SEPTIN2: variants seen among roughly 807,000 people sequenced by gnomAD.
SEPTIN2 encodes septin 2.
A neutral mutation model predicts 46.5 loss-of-function variants in SEPTIN2; 34 were observed. The ratio of observed to expected loss-of-function variants is 0.73; its 90% CI spans 0.56 to 0.97. The LOEUF (loss-of-function observed/expected upper bound fraction) is 0.97, where lower values mean the gene tolerates loss of function less well. Ranked by LOEUF, SEPTIN2 falls within the 50% of genes least tolerant of loss-of-function variation. The pLI, the probability that SEPTIN2 is intolerant of heterozygous loss-of-function variation, is 0.00. For synonymous variants in SEPTIN2, 175 were observed against 153.4 expected (o/e 1.14, Z -1.04); for missense variants, 347 against 448.4 (o/e 0.77, Z 2.04).
chr2:241,319,398 A>G (rs985125183), intron 1 of SEPTIN2, among the ~76,000 whole-genome samples: 1 of 152,258 alleles, frequency 6.6e-6, no homozygotes, highest in Non-Finnish European at 1.5e-5. Context: ...GATAATGGAT[A>G]GCACATGGGG....
intron 1 of SEPTIN2, chr2:241,316,837 T>A: frequency 3.3e-6 from 1 of 302,576 alleles, no homozygotes; most frequent in Non-Finnish European, 6.1e-6. Context: ...CTCTTAAATC[T>A]GGCTACTTCC....
chr2:241,322,376 CG>C (rs2077255729), intron 1 of SEPTIN2, among the ~76,000 whole-genome samples: 1 of 151,928 alleles, frequency 6.6e-6, no homozygotes, highest in Non-Finnish European at 1.5e-5. Context: ...GAGGCTGAGG[CG>C]GGCGGGTCAT....
At chr2:241,341,835 T>G (rs964947832) in intron 7 of SEPTIN2, among the ~76,000 whole-genome samples, 2 of 152,236 alleles carry the variant, frequency 1.3e-5, no homozygotes, top group Non-Finnish European at 2.9e-5. Context: ...CCTGAATGGC[T>G]CAGGTACTGA....
intron 10 of SEPTIN2, chr2:241,346,744 C>G (rs1367529432): frequency 1.3e-5 from 2 of 152,370 alleles, no homozygotes; most frequent in Non-Finnish European, 2.9e-5. Flanking sequence ...TAAAACAAGA[C>G]CCTGTCTCAA....
upstream of SEPTIN2, chr2:241,315,570 C>G (rs1304110871): frequency 6.6e-6 from 1 of 152,440 alleles, no homozygotes; most frequent in East Asian, 1.9e-4. Flanking sequence ...TTCTCATTAC[C>G]TGTTCCACTC....
chr2:241,338,694 A>G (rs1471021612), intron 7 of SEPTIN2, among the ~76,000 whole-genome samples: 1 of 117,782 alleles, frequency 8.5e-6, no homozygotes. Context: ...TATGTAATAT[A>G]TATTATATTT....
intron 7 of SEPTIN2, 29 bp from the exon 8 acceptor site, chr2:241,342,963 A>G (rs2081462902): frequency 7.5e-7 from 1 of 1,330,558 alleles, no homozygotes; most frequent in East Asian, 2.3e-5. Flanking sequence ...AGTTTGCTAA[A>G]ATTGATCCTG....
chr2:241,320,649 C>T (rs1306261626), intron 1 of SEPTIN2, among the ~76,000 whole-genome samples: 1 of 152,054 alleles, frequency 6.6e-6, no homozygotes, highest in Non-Finnish European at 1.5e-5. Context: ...ATTAGCTGGG[C>T]GTGGTGGCGG....
At chr2:241,317,580 C>T in intron 1 of SEPTIN2, 1 of 978,196 alleles carries the variant, frequency 1.0e-6, no homozygotes, top group Non-Finnish European at 1.2e-6. Flanking sequence ...CACCAAAACT[C>T]ATTTGGCAGC....
chr2:241,323,446 T>C (rs978721852), intron 1 of SEPTIN2, among the ~76,000 whole-genome samples: 2 of 151,338 alleles, frequency 1.3e-5, no homozygotes, highest in East Asian at 3.9e-4. Context: ...TTAGTAGAGA[T>C]GGGGTTTCAC....
At chr2:241,315,619 T>G (rs1044566681), upstream of SEPTIN2, 3 of 152,278 alleles carry the variant, frequency 2.0e-5, no homozygotes, top group South Asian at 4.1e-4. Flanking sequence ...AGGTAGGAAC[T>G]GTGGCGAAAC....
chr2:241,333,963 G>C (rs1242226946), intron 3 of SEPTIN2, among the ~76,000 whole-genome samples: 1 of 152,094 alleles, frequency 6.6e-6, no homozygotes, highest in Non-Finnish European at 1.5e-5. Context: ...CAATCCTTCT[G>C]CCCTAGCCTC....
intron 3 of SEPTIN2, 86 bp from the exon 4 acceptor site, chr2:241,335,040 C>T: frequency 1.2e-6 from 1 of 840,990 alleles, no homozygotes; most frequent in South Asian, 1.5e-5. Context: ...GTACTTAGCC[C>T]AGTACCAGGC....
chr2:241,346,277 A>G, intron 10 of SEPTIN2, 28 bp downstream of exon 10: 4 of 1,582,946 alleles, frequency 2.5e-6, no homozygotes, highest in Non-Finnish European at 3.5e-6. Flanking sequence ...CTTTCTCTGT[A>G]TTGTGTCACC....
intron 1 of SEPTIN2, chr2:241,320,412 A>G (rs2076962870): frequency 7.1e-6 from 3 of 422,838 alleles, no homozygotes; most frequent in South Asian, 1.7e-5. Context: ...ATTTTGCTAC[A>G]TGTAGTCTTC....
At chr2:241,327,050 C>CAA (rs59492636) in intron 3 of SEPTIN2, among the ~76,000 whole-genome samples, 826 of 66,030 alleles carry the variant, frequency 0.013, 39 homozygotes, top group African/African-American at 0.04. Flanking sequence ...AACCTTGTCT[C>CAA]AAAAAAAAAA....
intron 1 of SEPTIN2, among the ~76,000 whole-genome samples, chr2:241,319,433 C>T (rs977471915): frequency 6.6e-6 from 1 of 152,108 alleles, no homozygotes; most frequent in Non-Finnish European, 1.5e-5. Context: ...TTGTATAGGT[C>T]TTCATGTAAA....
intron 2 of SEPTIN2, 188 bp downstream of exon 2, chr2:241,324,429 C>T: frequency 1.8e-6 from 1 of 545,626 alleles, no homozygotes; most frequent in Non-Finnish European, 3.3e-6. Flanking sequence ...TGTTCTGTCA[C>T]CAGGCTGGAG....
At chr2:241,345,443 A>G (rs911266935) in intron 9 of SEPTIN2, among the ~76,000 whole-genome samples, 2 of 100,346 alleles carry the variant, frequency 2.0e-5, no homozygotes, top group African/African-American at 6.5e-5. Context: ...TGGGGACTTT[A>G]CTTTAGTGTC....
Sources: allele counts gnomAD v4.1 joint callset (sites outside exome capture counted in the v4.1 genomes callset), GRCh38; gene constraint gnomAD v4.1.1; transcripts MANE v1.5; gene names NCBI Gene and HGNC (gene_info 2026-07-23, HGNC 2026-07-21).